Variants in PLCD1 observed in about 807,000 individuals in gnomAD.
PLCD1 encodes the protein 1-phosphatidylinositol 4,5-bisphosphate phosphodiesterase delta-1.
A neutral mutation model predicts 87.4 loss-of-function variants in PLCD1; 71 were observed. The ratio of observed to expected loss-of-function variants is 0.81; its 90% CI spans 0.67 to 0.99. The LOEUF is 0.99. PLCD1 is among the 50% of genes least tolerant of loss of function. The probability of loss-of-function intolerance (pLI) is 0.00; values close to 1 mark genes in which losing one functional copy is unlikely to be tolerated. For missense variants in PLCD1, 867 were observed against 1,001.5 expected, an observed-to-expected ratio of 0.87 and a Z score of 1.81; for synonymous variants, 348 against 399.2, an observed-to-expected ratio of 0.87 and a Z score of 1.53.
rs554368662 is a variant in PLCD1, at chr3:38,013,404, G to A, written c.429-1731C>T. ...ATTTTTTGTATTTTTTAGTAGAGAC[G>A]GGGTTTCACCGTGTTAGCCAGGATG... On this transcript the variant is annotated intron_variant, in intron 3 of 14. Transcript: ENST00000334661. Among the ~76,000 whole-genome samples, 8 of 151,558 alleles carry A rather than the reference G, an allele frequency of 5.3e-5. 1 individual carries two copies. Among genetic ancestry groups the A allele is most frequent in the Non-Finnish European group, 1.0e-4 (7 of 67,910 alleles).
At position 38,025,145 on chromosome 3, in the gene PLCD1, G is replaced by T. The variant is rs1194892116; in HGVS notation, c.34+4361C>A. Among the ~76,000 whole-genome samples, 3 of 151,994 alleles carry T rather than the reference G, an allele frequency of 2.0e-5. No homozygotes were observed. The highest frequency in any genetic ancestry group is 4.8e-5 in the African/African-American group (2 of 41,378). ...GGAAGCAGCCCGGGGGCGGGGCCAG[G>T]GCCCAGGAGGCGAGCCTGGGAGGAT... is the stretch of plus-strand genomic sequence containing the variant. On this transcript the variant is annotated intron_variant, in intron 1 of 14. Transcript: ENST00000334661. This position sits in a 1 kb window ranked among gnomAD's most constrained non-coding sequence, Gnocchi z 4.0.
chr3:38,012,031 C>CTTTTTTTTTTTTT (rs763245915), intron 3 of PLCD1, among the ~76,000 whole-genome samples: 1 of 137,656 alleles, frequency 7.3e-6, no homozygotes, highest in African/African-American at 2.8e-5. Context: ...TTTTCCTTTT[C>CTTTTTTTTTTTTT]TTTTTTTTTT....
rs368285979 is a variant in PLCD1, at chr3:38,010,166, C to T, written c.1102G>A (p.Asp368Asn). 2.4e-5 allele frequency: 38 copies of T among 1,614,130 alleles called. No homozygotes were observed. Among genetic ancestry groups the T allele is most frequent in the South Asian group, 1.6e-4 (15 of 91,092 alleles). Reference sequence around the variant, plus strand: ...TAGTCCCGGATGGCCCTGAGCACATCGCAGAAGAGGATCTTGGAAGTGAAA... The same window carrying T: ...TAGTCCCGGATGGCCCTGAGCACATTGCAGAAGAGGATCTTGGAAGTGAAA... ...YTFTSKILFCDVLRAIRDYAF... is the reference protein window; with the variant it reads ...YTFTSKILFCNVLRAIRDYAF... Residue 368 changes from aspartate to asparagine, a missense_variant, in exon 7 of 15, where the codon GAT (aspartate) becomes AAT (asparagine). Physicochemically the swap from Asp to Asn is conservative, Grantham distance 23. Coordinates refer to ENST00000334661, the MANE Select transcript of PLCD1 (RefSeq NM_006225.4).
At chr3:38,016,979 C>T (rs1030906467) in intron 2 of PLCD1, among the ~76,000 whole-genome samples, 5 of 151,874 alleles carry the variant, frequency 3.3e-5, no homozygotes, top group Non-Finnish European at 7.4e-5. Flanking sequence ...TGGAGACACA[C>T]AGGGAGAGAC....
At chr3:38,023,397 T>C (rs1324089290) in intron 1 of PLCD1, among the ~76,000 whole-genome samples, 2 of 152,206 alleles carry the variant, frequency 1.3e-5, no homozygotes, top group African/African-American at 4.8e-5. Context: ...ATCATGATGA[T>C]GATGATAGAG....
chr3:38,021,848 C>T (rs1446226784), intron 1 of PLCD1, among the ~76,000 whole-genome samples: 1 of 152,122 alleles, frequency 6.6e-6, no homozygotes, highest in Non-Finnish European at 1.5e-5. Context: ...CCCAGATCCC[C>T]AACAACAGAT....
chr3:38,022,369 C>G (rs1390163041), intron 1 of PLCD1, among the ~76,000 whole-genome samples: 1 of 152,182 alleles, frequency 6.6e-6, no homozygotes, highest in African/African-American at 2.4e-5. Flanking sequence ...CGGCCTCCGG[C>G]GGGGAATTCC....
At chr3:38,029,104 T>G (rs544666777) in intron 1 of PLCD1, among the ~76,000 whole-genome samples, 1 of 152,374 alleles carries the variant, frequency 6.6e-6, no homozygotes, top group South Asian at 2.1e-4. Context: ...GGGGAGCCTC[T>G]GGGGCGGCCC....
At chr3:38,024,685 A>T in intron 1 of PLCD1, 2 of 1,499,352 alleles carry the variant, frequency 1.3e-6, no homozygotes, top group Non-Finnish European at 1.8e-6. Flanking sequence ...GAGCTAGTCC[A>T]CGAGCGGCGG....
rs1418131977 is a variant in PLCD1, at chr3:38,010,014, A to G, written c.1177T>C (p.Cys393Arg). ...YPVILSLENH[C>R]TLEQQRVMAR... ...ATCACGCGCTGCTGCTCCAGTGTGCAGTGGTTCTCCAGGGATAGGATGACA... is the reference window on the plus strand; with the variant it reads ...ATCACGCGCTGCTGCTCCAGTGTGCGGTGGTTCTCCAGGGATAGGATGACA... Residue 393 changes from cysteine (C) to arginine (R), a missense_variant, in exon 8 of 15, where the codon TGC (cysteine) becomes CGC (arginine). Cys to Arg is a radical substitution (Grantham distance 180, BLOSUM62 -3). Transcript: ENST00000334661. 3 of 1,614,050 alleles carry G rather than the reference A, an allele frequency of 1.9e-6. No individual in the cohort carries two copies. Among genetic ancestry groups the G allele is most frequent in the East Asian group, 4.5e-5 (2 of 44,892 alleles).
In PLCD1 at chr3:38,018,230, T is replaced by C. The variant is rs1417993082; in HGVS notation, c.200-1511A>G. Reference sequence around the variant, plus strand: ...TAAAGAGCAATTGAAGACAACAGTCTCACCACTCACCCAGAGAAGGGAGGC... The same window carrying C: ...TAAAGAGCAATTGAAGACAACAGTCCCACCACTCACCCAGAGAAGGGAGGC... On this transcript the variant is annotated intron_variant, in intron 2 of 14. Transcript: ENST00000334661. This position sits in a 1 kb window ranked among gnomAD's most constrained non-coding sequence, Gnocchi z 5.7. 6.6e-6 allele frequency among the ~76,000 whole-genome samples: 1 copy of C among 152,100 alleles called. No individual in the cohort carries two copies. The highest frequency in any genetic ancestry group is 1.5e-5 in the Non-Finnish European group (1 of 68,012).
chr3:38,020,338 C>T lies in PLCD1; in HGVS notation c.49G>A (p.Glu17Lys). 1 of 1,614,050 alleles carries T rather than the reference C, an allele frequency of 6.2e-7. No homozygotes were observed. The highest frequency in any genetic ancestry group is 8.5e-7 in the Non-Finnish European group (1 of 1,180,016). Residue 17 changes from glutamate to lysine, a missense_variant, in exon 2 of 15, where the codon GAG (glutamate) becomes AAG (lysine). Transcript: ENST00000334661. The stretch of plus-strand genomic sequence containing the variant: ...CCCTTCAGCAGCGCCTGTAGATCCT[C>T]ATCATCCTGTAGGCCTGGGGATCAA... ...FLTLHGLQDD[E>K]DLQALLKGSQ...
At chr3:38,026,862 G>A (rs949338055) in intron 1 of PLCD1, among the ~76,000 whole-genome samples, 3 of 152,266 alleles carry the variant, frequency 2.0e-5, no homozygotes, top group African/African-American at 7.2e-5. Flanking sequence ...CCCACAGTAA[G>A]TAGAACCAAA....
At position 38,011,534 on chromosome 3, in the gene PLCD1, C is replaced by G. The variant is rs748969706; in HGVS notation, c.558+10G>C. 1.2e-6 allele frequency: 2 copies of G among 1,614,126 alleles called. No individual in the cohort carries two copies. The highest frequency in any genetic ancestry group is 2.2e-5 in the South Asian group (2 of 91,064). On this transcript the variant is annotated intron_variant, in intron 4 of 14. Transcript: ENST00000334661. ...GGACAGGCAGCCCCAGCCCCCACTTCCTGCCTCACCCTGAAGATCTTCCGG... is the reference window on the plus strand; with the variant it reads ...GGACAGGCAGCCCCAGCCCCCACTTGCTGCCTCACCCTGAAGATCTTCCGG...
At position 38,009,269 on chromosome 3, in the gene PLCD1, C is replaced by T. The variant is rs775977689; in HGVS notation, c.1606+3G>A. On this transcript the variant is annotated splice_donor_region_variant and intron_variant, in intron 10 of 14. Transcript: ENST00000334661. Reference sequence around the variant, plus strand: ...AGGGGAGTGGTGGGGAGCCAGGCCTCACCTGATTCTTGGAGCAGTCGAAGG... The same window carrying T: ...AGGGGAGTGGTGGGGAGCCAGGCCTTACCTGATTCTTGGAGCAGTCGAAGG... 1.9e-6 allele frequency: 3 copies of T among 1,614,144 alleles called. No individual in the cohort carries two copies. Among genetic ancestry groups the T allele is most frequent in the Non-Finnish European group, 2.5e-6 (3 of 1,180,024 alleles).
Position 38,011,236 on chromosome 3 carries a change from C to T in PLCD1, c.768G>A (p.Glu256=). Residue 256 remains glutamate (E), a synonymous_variant, in exon 5 of 15, where the codon GAG becomes GAA. Transcript: ENST00000334661. ...CACCAGTCTCGCTGGGCTCGTAGCG[C>T]TCAATGAGGGAGAGGGCCAGCGCAG... ...AGPALALSLI[E]RYEPSETAKA... is the part of the protein sequence containing the mutation. The T allele has an allele frequency of 6.2e-7, 1 of 1,610,400 alleles. No homozygotes were observed. The highest frequency in any genetic ancestry group is 8.5e-7 in the Non-Finnish European group (1 of 1,179,838).
chr3:38,027,035 A>T (rs892386761), intron 1 of PLCD1, among the ~76,000 whole-genome samples: 6 of 152,092 alleles, frequency 3.9e-5, no homozygotes, highest in Non-Finnish European at 2.9e-5. Flanking sequence ...CCTGGGAGGT[A>T]ATGTCCTTTG....
Position 38,029,620 on chromosome 3 carries a change from G to A in PLCD1, c.-81C>T. The A allele has an allele frequency of 1.5e-6, 2 of 1,374,428 alleles. No homozygotes were observed. The highest frequency in any genetic ancestry group is 1.0e-6 in the Non-Finnish European group (1 of 1,003,998). 85.1% of individuals were successfully genotyped at this position (1,374,428 alleles called of 1,614,324 possible). A position where few individuals can be genotyped will look rare whatever the true frequency, so the allele number is the denominator to read the frequency against. Reference sequence around the variant, plus strand: ...GCACCGGCGGCCTGGGGTCCGAGCGGAGTGCGGTGCAGGGACCTGAATGGA... The same window carrying A: ...GCACCGGCGGCCTGGGGTCCGAGCGAAGTGCGGTGCAGGGACCTGAATGGA... On this transcript the variant is annotated 5_prime_UTR_variant, in exon 1 of 15. Transcript: ENST00000334661.
intron 3 of PLCD1, among the ~76,000 whole-genome samples, chr3:38,015,113 CAT>C (rs1290271141): frequency 5.3e-5 from 8 of 152,292 alleles, no homozygotes; most frequent in African/African-American, 1.9e-4. Context: ...GAAATGAAAA[CAT>C]ATATACACAC....
Sources: gnomAD v4.1 joint callset for allele counts (sites outside exome capture counted in the v4.1 genomes callset) on GRCh38, gnomAD v4.1.1 for gene constraint, Gnocchi (gnomAD v3.1) non-coding constraint, MANE v1.5 for transcripts, NCBI Gene and HGNC (gene_info 2026-07-23, HGNC 2026-07-21) for gene names.